PDZD2: variants seen among roughly 807,000 people sequenced by gnomAD.
PDZD2 encodes the protein PDZ domain containing 2, also known as PDZ domain-containing protein 2.
Under a neutral mutation model 220.7 loss-of-function variants are expected in PDZD2, and 90 were observed. That is an observed-to-expected ratio of 0.41 (90% CI 0.34 to 0.49). PDZD2 has a LOEUF of 0.49. PDZD2 is among the 20% of genes least tolerant of loss of function. The pLI, the probability that PDZD2 is intolerant of heterozygous loss-of-function variation, is 0.28. For synonymous variants in PDZD2, 1,375 were observed against 1,450.5 expected (o/e 0.95, Z 1.18); for missense variants, 3,174 against 3,608.5 (o/e 0.88, Z 3.08).
intron 2 of PDZD2, among the ~76,000 whole-genome samples, chr5:31,843,105 T>A (rs1244555187): frequency 4.6e-5 from 7 of 152,114 alleles, no homozygotes; most frequent in African/African-American, 1.7e-4. Context: ...GGTCTCGAAC[T>A]CCTGACCTCA....
At chr5:31,915,462 C>A (rs140056422) in intron 2 of PDZD2, among the ~76,000 whole-genome samples, 7 of 152,294 alleles carry the variant, frequency 4.6e-5, no homozygotes, top group African/African-American at 1.4e-4. Context: ...AAAGAACCAT[C>A]TTTGTCTTGC....
chr5:31,850,051 C>CGTGTATATATAAGTATATATAT (rs757528806), intron 2 of PDZD2, among the ~76,000 whole-genome samples: 3,526 of 67,774 alleles, frequency 0.052, 529 homozygotes, highest in African/African-American at 0.12. Flanking sequence ...TATATATATA[C>CGTGTATATATAAGTATATATAT]GTGTATATAT....
chr5:31,954,161 G>A (rs1229275243), intron 2 of PDZD2, among the ~76,000 whole-genome samples: 1 of 152,052 alleles, frequency 6.6e-6, no homozygotes, highest in Non-Finnish European at 1.5e-5. Flanking sequence ...TGCGAGTGGT[G>A]TGAAGGAGTA....
At position 32,097,392 on chromosome 5, in the gene PDZD2, A is replaced by G; in HGVS notation, c.7947+12A>G. ...CAAAATCAATCACGGTAAGTGACAG[A>G]GTCATTAGGCTCTCAGGAAAATCCC... On this transcript the variant is annotated intron_variant, in intron 22 of 24. Coordinates refer to ENST00000438447, the MANE Select transcript of PDZD2 (RefSeq NM_178140.4). 6.5e-7 allele frequency: 1 copy of G among 1,526,894 alleles called. No homozygotes were observed. Among genetic ancestry groups the G allele is most frequent in the Non-Finnish European group, 9.1e-7 (1 of 1,100,364 alleles). The allele number at this position is 1,526,894 out of a possible 1,614,324, so 94.6% of individuals were successfully genotyped here. A position where few individuals can be genotyped will look rare whatever the true frequency, so the allele number is the denominator to read the frequency against.
rs754874783 is a variant in PDZD2, at chr5:32,098,315, AATCGTAAGTGG to A, written c.7948-45_7948-35del. The A allele has an allele frequency of 3.2e-6, 5 of 1,577,028 alleles. No individual in the cohort carries two copies. In the South Asian group the frequency reaches 5.7e-5, roughly 18 times the overall value. The stretch of plus-strand genomic sequence containing the variant: ...TAGTTACTATCTCCCTTTTACCGGA[AATCGTAAGTGG>A]ATCTGGTTTTTGTTCCCTTTTCCTT... On this transcript the variant is annotated intron_variant, in intron 22 of 24. Transcript: ENST00000438447. The surrounding 1 kb of genome is among the most constrained non-coding windows in gnomAD (Gnocchi z 4.1).
At chr5:32,044,261 G>A (rs1208376560) in intron 7 of PDZD2, among the ~76,000 whole-genome samples, 6 of 152,112 alleles carry the variant, frequency 3.9e-5, no homozygotes, top group African/African-American at 9.7e-5. Flanking sequence ...CCCAGGAAGC[G>A]GAGGTTTCAG....
At chr5:32,027,301 G>C (rs1422087249) in intron 6 of PDZD2, among the ~76,000 whole-genome samples, 1 of 152,100 alleles carries the variant, frequency 6.6e-6, no homozygotes. Context: ...TCAGTTACAA[G>C]CTAATGACTG....
rs1219925207 is a variant in PDZD2 at position 32,064,185 on chromosome 5, T to C, written c.2451+3051T>C. On this transcript the variant is annotated intron_variant, in intron 14 of 24. Transcript: ENST00000438447. ...CAGCAAGCTCAACTCAACCCAATTT[T>C]TTTTTGTTTGTTTTTGGACGCACAG... Among the ~76,000 whole-genome samples, 31 of 152,180 alleles carry C rather than the reference T, an allele frequency of 2.0e-4. 1 individual carries two copies. Among genetic ancestry groups the C allele is most frequent in the Admixed American group, 2.0e-3 (31 of 15,280 alleles).
intron 2 of PDZD2, among the ~76,000 whole-genome samples, chr5:31,956,510 GCACTC>G (rs995696969): frequency 7.6e-5 from 11 of 145,490 alleles, no homozygotes; most frequent in African/African-American, 2.8e-4. Flanking sequence ...TCTCACCACT[GCACTC>G]CAGCCTGGGC....
chr5:31,822,717 C>T lies in PDZD2; in HGVS notation c.476+22993C>T, dbSNP rs190354756. ...TTCCTTCAAGGATTAATTCATCTTT[C>T]TGAGTTTGAGATACTGAACAAGGAA... On this transcript the variant is annotated intron_variant, in intron 2 of 24. Transcript: ENST00000438447. 88 of 1,269,046 alleles carry T rather than the reference C, an allele frequency of 6.9e-5. No individual in the cohort carries two copies. In the African/African-American group the frequency reaches 1.2e-3, roughly 17 times the overall value. The allele number at this position is 1,269,046 out of a possible 1,614,324, so 78.6% of individuals were successfully genotyped here.
intron 5 of PDZD2, among the ~76,000 whole-genome samples, chr5:32,004,817 C>T (rs970731912): frequency 3.3e-5 from 5 of 152,216 alleles, no homozygotes; most frequent in Admixed American, 2.0e-4. Flanking sequence ...TTTAGGGACG[C>T]TTGCTTGGGT....
intron 2 of PDZD2, among the ~76,000 whole-genome samples, chr5:31,902,435 T>A (rs958736324): frequency 6.6e-6 from 1 of 152,052 alleles, no homozygotes; most frequent in African/African-American, 2.4e-5. Flanking sequence ...CTCAGTTGGA[T>A]TGTCTGCTTA....
At chr5:31,820,342 A>C (rs914705164) in intron 2 of PDZD2, among the ~76,000 whole-genome samples, 41 of 152,174 alleles carry the variant, frequency 2.7e-4, no homozygotes, top group Admixed American at 1.5e-3. Flanking sequence ...ATGGCAAACG[A>C]AAAACAGCTC....
At chr5:31,907,079 T>C (rs542335411) in intron 2 of PDZD2, among the ~76,000 whole-genome samples, 2 of 152,306 alleles carry the variant, frequency 1.3e-5, no homozygotes, top group South Asian at 2.1e-4. Context: ...TAGTGGATGA[T>C]TGTTTTGTTG....
At chr5:31,744,491 A>C (rs1750463575) in intron 1 of PDZD2, 2 of 152,188 alleles carry the variant, frequency 1.3e-5, no homozygotes, top group African/African-American at 2.4e-5. Flanking sequence ...AGTTGTTTAA[A>C]GTGCCTTTTG....
At chr5:31,946,621 G>A (rs920866195) in intron 2 of PDZD2, among the ~76,000 whole-genome samples, 7 of 152,122 alleles carry the variant, frequency 4.6e-5, no homozygotes, top group African/African-American at 1.7e-4. Flanking sequence ...AATCTTTACC[G>A]AACAACTGTC....
chr5:31,863,631 G>A (rs1737923933), intron 2 of PDZD2, among the ~76,000 whole-genome samples: 1 of 152,186 alleles, frequency 6.6e-6, no homozygotes, highest in Admixed American at 6.5e-5. Flanking sequence ...GTGAGCTTGT[G>A]GGGATAGGGG....
At chr5:31,742,657 T>G (rs925834931) in intron 1 of PDZD2, among the ~76,000 whole-genome samples, 5 of 152,104 alleles carry the variant, frequency 3.3e-5, no homozygotes, top group African/African-American at 9.7e-5. Flanking sequence ...TTGCTGGTTG[T>G]TTGACTTTGG....
rs183494615 is a variant in PDZD2, at chr5:31,936,656, A to G, written c.477-46499A>G. ...TTGGCAGATGATAAATGAACTGCAG[A>G]CACTGTGTTTTAGAACAAATACTTT... On this transcript the variant is annotated intron_variant, in intron 2 of 24. Transcript: ENST00000438447. Among the ~76,000 whole-genome samples the G allele has an allele frequency of 1.8e-3, 277 of 152,358 alleles. 3 individuals are homozygous for G. The highest frequency in any genetic ancestry group is 6.4e-3 in the African/African-American group (267 of 41,582).
Sources: gnomAD v4.1 joint callset for allele counts (sites outside exome capture counted in the v4.1 genomes callset) on GRCh38, gnomAD v4.1.1 for gene constraint, Gnocchi (gnomAD v3.1) non-coding constraint, MANE v1.5 for transcripts, NCBI Gene and HGNC (gene_info 2026-07-23, HGNC 2026-07-21) for gene names.